The following XAB2 variants were observed in gnomAD, a reference collection of about 807,000 sequenced individuals.
The protein encoded by XAB2 is XPA binding protein 2, also known as pre-mRNA-splicing factor SYF1.
Under a neutral mutation model 113.4 loss-of-function variants are expected in XAB2, and 57 were observed. That is an observed-to-expected ratio of 0.50 (90% CI 0.41 to 0.63). The LOEUF is 0.63. XAB2 is among the 20% of genes least tolerant of loss of function. The probability of loss-of-function intolerance (pLI) is 0.00; values close to 1 mark genes in which losing one functional copy is unlikely to be tolerated. For synonymous variants in XAB2, 497 were observed against 498.8 expected (o/e 1.00, Z 0.05); for missense variants, 1,037 against 1,233.3 (o/e 0.84, Z 2.38).
At position 7,623,023 on chromosome 19, in the gene XAB2, C is replaced by G. The variant is rs1201309123; in HGVS notation, c.1240-130G>C. 3 of 1,531,422 alleles carry G rather than the reference C, an allele frequency of 2.0e-6. No homozygotes were observed. The African/African-American group carries it at 4.1e-5, about 21-fold the overall frequency. The allele number at this position is 1,531,422 out of a possible 1,614,324, so 94.9% of individuals were successfully genotyped here. A position where few individuals can be genotyped will look rare whatever the true frequency, so the allele number is the denominator to read the frequency against. On this transcript the variant is annotated intron_variant, in intron 9 of 18. Coordinates refer to ENST00000358368, the MANE Select transcript of XAB2 (RefSeq NM_020196.3). This position sits in a 1 kb window ranked among gnomAD's most constrained non-coding sequence, Gnocchi z 4.6. ...ACACAGGCACACACACAGGCACACA[C>G]ATGCGTGCACATATGCATGCACCCA... is the stretch of plus-strand genomic sequence containing the variant.
chr19:7,623,023 CATGCGTGCACAT>C lies in XAB2; in HGVS notation c.1239+135_1240-131del. Reference sequence around the variant, plus strand: ...ACACAGGCACACACACAGGCACACACATGCGTGCACATATGCATGCACCCAAATGCACATGCA... The same window carrying C: ...ACACAGGCACACACACAGGCACACACATGCATGCACCCAAATGCACATGCA... On this transcript the variant is annotated intron_variant, in intron 9 of 18. Coordinates refer to ENST00000358368, the MANE Select transcript of XAB2 (RefSeq NM_020196.3). The surrounding 1 kb of genome is among the most constrained non-coding windows in gnomAD (Gnocchi z 4.6). The C allele has an allele frequency of 6.5e-7, 1 of 1,531,422 alleles. No homozygotes were observed. The highest frequency in any genetic ancestry group is 8.8e-7 in the Non-Finnish European group (1 of 1,137,008). 94.9% of individuals were successfully genotyped at this position (1,531,422 alleles called of 1,614,324 possible). A position where few individuals can be genotyped will look rare whatever the true frequency, so the allele number is the denominator to read the frequency against.
chr19:7,621,260 T>A lies in XAB2; in HGVS notation c.1655A>T (p.Asn552Ile). Residue 552 changes from asparagine to isoleucine, a missense_variant, in exon 13 of 19, where the codon AAC (asparagine) becomes ATC (isoleucine). Asn to Ile is a moderately radical substitution (Grantham distance 149, BLOSUM62 -3). Transcript: ENST00000358368. ...GTAGGTGCTCCAGATGTCGGACACG[T>A]TGGGCCACTTGAACAGCGAGATGCC... Reference protein sequence around the residue: ...ERGISLFKWPNVSDIWSTYLT... With the variant: ...ERGISLFKWPIVSDIWSTYLT... The A allele has an allele frequency of 6.2e-7, 1 of 1,613,052 alleles. No homozygotes were observed.
At chr19:7,622,101 A>G in intron 12 of XAB2, 1 of 513,626 alleles carries the variant, frequency 1.9e-6, no homozygotes, top group South Asian at 2.3e-5. Context: ...CATAGGGAGA[A>G]GGCGGCTGTC....
In XAB2 at chr19:7,620,568, G is replaced by A. The variant is rs149923081; in HGVS notation, c.2073C>T (p.Cys691=). The change falls in exon 15 of 19, where the codon TGC becomes TGT. Residue 691 remains cysteine (C), a synonymous_variant. Coordinates refer to ENST00000358368, the MANE Select transcript of XAB2 (RefSeq NM_020196.3). ...IDRARAIYSF[C]SQICDPRTTG... ...CTACCCGGGGGTCACAGATCTGGGA[G>A]CAGAAGCTGTAGATGGCCCGGGCGC... is the stretch of plus-strand genomic sequence containing the variant. 120 of 1,613,418 alleles carry A rather than the reference G, an allele frequency of 7.4e-5. No individual in the cohort carries two copies. In the African/African-American group the frequency reaches 1.5e-3, roughly 20 times the overall value.
In XAB2 at chr19:7,628,090, G is replaced by C; in HGVS notation, c.200+60C>G. On this transcript the variant is annotated intron_variant, in intron 2 of 18. Coordinates refer to ENST00000358368, the MANE Select transcript of XAB2 (RefSeq NM_020196.3). This position sits in a 1 kb window ranked among gnomAD's most constrained non-coding sequence, Gnocchi z 4.6. ...GACCCGGGACCCACTTGGCAGTTTTGTTATAACTGGACCAGGTGGGGTGGG... is the reference window on the plus strand; with the variant it reads ...GACCCGGGACCCACTTGGCAGTTTTCTTATAACTGGACCAGGTGGGGTGGG... 1 of 1,570,798 alleles carries C rather than the reference G, an allele frequency of 6.4e-7. No individual in the cohort carries two copies. The highest frequency in any genetic ancestry group is 8.6e-7 in the Non-Finnish European group (1 of 1,157,916).
At chr19:7,622,298 T>A in intron 12 of XAB2, 33 bp downstream of exon 12, 1 of 1,607,992 alleles carries the variant, frequency 6.2e-7, no homozygotes, top group Non-Finnish European at 8.5e-7. Flanking sequence ...GACACTGCCA[T>A]CAGGGGCCTC....
rs146660753 is a variant in XAB2, at chr19:7,629,505, G to A, written c.23C>T (p.Ser8Leu). 12 of 1,605,118 alleles carry A rather than the reference G, an allele frequency of 7.5e-6. No individual in the cohort carries two copies. The highest frequency in any genetic ancestry group is 1.1e-5 in the South Asian group (1 of 89,400). MVVMARLSRPERPDLVFE... is the reference protein window; with the variant it reads MVVMARLLRPERPDLVFE... Reference sequence around the variant, plus strand: ...GACAAGGTCCGGCCGCTCGGGCCGCGAGAGTCGCGCCATCACCACCATTTT... The same window carrying A: ...GACAAGGTCCGGCCGCTCGGGCCGCAAGAGTCGCGCCATCACCACCATTTT... Residue 8 changes from serine to leucine, a missense_variant, in exon 1 of 19, where the codon TCG becomes TTG. Physicochemically the swap from Ser to Leu is moderately radical, Grantham distance 145 (BLOSUM62 -2). Transcript: ENST00000358368.
At position 7,628,511 on chromosome 19, in the gene XAB2, C is replaced by G. The variant is rs4134818; in HGVS notation, c.52-213G>C. ...CCTTTACCCCTCAGAATTCAACTAC[C>G]CAAAATCGAACCCAAATCATCAGAC... On this transcript the variant is annotated intron_variant, in intron 1 of 18. Coordinates refer to ENST00000358368, the MANE Select transcript of XAB2 (RefSeq NM_020196.3). The surrounding 1 kb of genome is among the most constrained non-coding windows in gnomAD (Gnocchi z 4.6). 3.4e-3 allele frequency among the ~76,000 whole-genome samples: 515 copies of G among 152,218 alleles called. 1 individual carries two copies. The highest frequency in any genetic ancestry group is 6.1e-3 in the Non-Finnish European group (417 of 68,016).
chr19:7,627,661 C>G lies in XAB2; in HGVS notation c.324+67G>C. ...CTAACATGCTGAGCCCAGCCCCTGTCCCCGCCCCACCCACCACCATGGACT... is the reference window on the plus strand; with the variant it reads ...CTAACATGCTGAGCCCAGCCCCTGTGCCCGCCCCACCCACCACCATGGACT... On this transcript the variant is annotated intron_variant, in intron 3 of 18. Transcript: ENST00000358368. This position sits in a 1 kb window ranked among gnomAD's most constrained non-coding sequence, Gnocchi z 4.5. 9.6e-6 allele frequency: 9 copies of G among 938,994 alleles called. No homozygotes were observed. Among genetic ancestry groups the G allele is most frequent in the Non-Finnish European group, 1.5e-5 (9 of 611,756 alleles). The allele number at this position is 938,994 out of a possible 1,614,324, so 58.2% of individuals were successfully genotyped here.
Position 7,622,609 on chromosome 19 carries a change from G to A in XAB2, c.1424C>T (p.Pro475Leu), listed in dbSNP as rs745616360. 6 of 1,612,626 alleles carry A rather than the reference G, an allele frequency of 3.7e-6. No individual in the cohort carries two copies. In the Admixed American group the frequency reaches 1.0e-4, roughly 27 times the overall value. ...TGACTTGTACACGCGGTTCTGCACG[G>A]GCTCTGAACCATCAAAGTACTCGGC... ...RRAEYFDGSEPVQNRVYKSLK... is the reference protein window; with the variant it reads ...RRAEYFDGSELVQNRVYKSLK... The change falls in exon 11 of 19, where the codon CCC becomes CTC. Residue 475 changes from proline to leucine, a missense_variant. Coordinates refer to ENST00000358368, the MANE Select transcript of XAB2 (RefSeq NM_020196.3).
In XAB2 at chr19:7,627,310, T is replaced by C. The variant is rs770027710; in HGVS notation, c.455A>G (p.Tyr152Cys). 5.6e-6 allele frequency: 9 copies of C among 1,613,818 alleles called. No individual in the cohort carries two copies. In the East Asian group the frequency reaches 1.3e-4, roughly 24 times the overall value. ...ITQHSRIWPL[Y>C]LRFLRSHPLP... ...TGGGTGTGAGCGCAGGAAGCGCAGA[T>C]ACAGGGGCCAAATTCGAGAGTGCTG... The change falls in exon 4 of 19, where the codon TAT becomes TGT. Residue 152 changes from tyrosine to cysteine, a missense_variant. Transcript: ENST00000358368. This position sits in a 1 kb window ranked among gnomAD's most constrained non-coding sequence, Gnocchi z 4.5.
chr19:7,622,929 C>T, intron 9 of XAB2, 36 bp from the exon 10 acceptor site: 1 of 1,606,564 alleles, frequency 6.2e-7, no homozygotes, highest in Non-Finnish European at 8.5e-7. Flanking sequence ...TGAGACCCTG[C>T]CCACCTGGAC....
Position 7,624,404 on chromosome 19 carries a change from G to C in XAB2, c.864C>G (p.Thr288=). The C allele has an allele frequency of 6.2e-7, 1 of 1,614,158 alleles. No individual in the cohort carries two copies. Among genetic ancestry groups the C allele is most frequent in the Non-Finnish European group, 8.5e-7 (1 of 1,180,018 alleles). The stretch of plus-strand genomic sequence containing the variant: ...CAAACACCTGTGTGAAGTCCCGCAC[G>C]GTCATCACTGTCCGGATGGCCTCCT... ...VYEEAIRTVM[T]VRDFTQVFDS... The change falls in exon 7 of 19, where the codon ACC becomes ACG. Residue 288 remains threonine (T), a synonymous_variant. Coordinates refer to ENST00000358368, the MANE Select transcript of XAB2 (RefSeq NM_020196.3). The surrounding 1 kb of genome is among the most constrained non-coding windows in gnomAD (Gnocchi z 4.2).
chr19:7,620,134 G>A (rs2030998540), intron 16 of XAB2, 59 bp from the exon 17 acceptor site: 3 of 1,597,870 alleles, frequency 1.9e-6, no homozygotes, highest in Admixed American at 1.7e-5. Flanking sequence ...ATCGGACGTT[G>A]CACTATCCCA....
At chr19:7,622,069 C>A (rs2031045094) in intron 12 of XAB2, 1 of 417,232 alleles carries the variant, frequency 2.4e-6, no homozygotes, top group Non-Finnish European at 4.4e-6. Flanking sequence ...GTGACACACA[C>A]AAAGAGAAGG....
chr19:7,624,933 CCT>C lies in XAB2; in HGVS notation c.823-490_823-489del, dbSNP rs2031108086. On this transcript the variant is annotated intron_variant, in intron 6 of 18. Transcript: ENST00000358368. This position sits in a 1 kb window ranked among gnomAD's most constrained non-coding sequence, Gnocchi z 4.2. Reference sequence around the variant, plus strand: ...CTCAGGTCCCCTCTCTCTACCCAGCCCTGACGGGTCTTGCCCTGCTGCCTCCG... The same window carrying C: ...CTCAGGTCCCCTCTCTCTACCCAGCCGACGGGTCTTGCCCTGCTGCCTCCG... 6.6e-6 allele frequency among the ~76,000 whole-genome samples: 1 copy of C among 152,218 alleles called. No homozygotes were observed. The highest frequency in any genetic ancestry group is 2.4e-5 in the African/African-American group (1 of 41,460).
Position 7,623,362 on chromosome 19 carries a change from C to T in XAB2, c.1120-73G>A, listed in dbSNP as rs1028520674. 5.3e-5 allele frequency: 84 copies of T among 1,584,148 alleles called. No homozygotes were observed. Among genetic ancestry groups the T allele is most frequent in the Non-Finnish European group, 1.3e-5 (15 of 1,164,294 alleles). On this transcript the variant is annotated intron_variant, in intron 8 of 18. Transcript: ENST00000358368. The surrounding 1 kb of genome is among the most constrained non-coding windows in gnomAD (Gnocchi z 4.6). ...TGACGGTCGGGGCAGAGCTGTGGCT[C>T]TGAGGGGTGGGGCCTGGAGGGTGCT...
intron 14 of XAB2, 35 bp from the exon 15 acceptor site, chr19:7,620,704 C>G (rs201134117): frequency 1.2e-6 from 2 of 1,608,604 alleles, no homozygotes; most frequent in Non-Finnish European, 8.5e-7. Flanking sequence ...GGGAGTGAGG[C>G]CGGGGTAGCT....
chr19:7,621,085 C>G, intron 13 of XAB2, 49 bp from the exon 14 acceptor site: 4 of 1,539,666 alleles, frequency 2.6e-6, no homozygotes, highest in Non-Finnish European at 3.5e-6. Context: ...CGGGGCCAGT[C>G]AGAAACCCAG....
Sources: gnomAD v4.1 joint callset for allele counts (sites outside exome capture counted in the v4.1 genomes callset) on GRCh38, gnomAD v4.1.1 for gene constraint, Gnocchi (gnomAD v3.1) non-coding constraint, MANE v1.5 for transcripts, NCBI Gene and HGNC (gene_info 2026-07-23, HGNC 2026-07-21) for gene names.